SLX4IP: variants seen among roughly 807,000 people sequenced by gnomAD.
SLX4IP encodes the protein protein SLX4IP.
In SLX4IP, 34 loss-of-function variants were observed where a neutral mutation model predicts 32.9. That is an observed-to-expected ratio of 1.03 (90% confidence interval 0.79 to 1.38). The LOEUF (loss-of-function observed/expected upper bound fraction) is 1.38. Among genes scored for constraint, SLX4IP ranks in the 40% most tolerant of loss-of-function variants. SLX4IP has a pLI of 0.00. For synonymous variants in SLX4IP, 172 were observed against 171.7 expected (o/e 1.00, Z -0.01); for missense variants, 444 against 479.0 (o/e 0.93, Z 0.68).
intron 2 of SLX4IP, among the ~76,000 whole-genome samples, chr20:10,539,034 C>T (rs1158144416): frequency 6.6e-6 from 1 of 152,126 alleles, no homozygotes; most frequent in East Asian, 1.9e-4. Flanking sequence ...TTTTATCTCA[C>T]CAAATAAAAA....
At chr20:10,485,598 G>A (rs1466554200) in intron 2 of SLX4IP, among the ~76,000 whole-genome samples, 1 of 149,260 alleles carries the variant, frequency 6.7e-6, no homozygotes, top group African/African-American at 2.5e-5. Context: ...ATTCAGCCTG[G>A]GTGACAAAGG....
chr20:10,474,030 C>G (rs148525981), intron 2 of SLX4IP, among the ~76,000 whole-genome samples: 1 of 152,070 alleles, frequency 6.6e-6, no homozygotes, highest in Non-Finnish European at 1.5e-5. Context: ...ACCATGTTGG[C>G]CAGACTGGTC....
intron 2 of SLX4IP, among the ~76,000 whole-genome samples, chr20:10,504,127 G>A (rs377688762): frequency 2.0e-5 from 3 of 152,134 alleles, no homozygotes; most frequent in South Asian, 2.1e-4. Context: ...GGTGGAGAGC[G>A]CTCTTGACCT....
chr20:10,469,603 G>A (rs1209114749), intron 2 of SLX4IP, among the ~76,000 whole-genome samples: 1 of 152,108 alleles, frequency 6.6e-6, no homozygotes, highest in Non-Finnish European at 1.5e-5. Flanking sequence ...TTATTCTAGT[G>A]TAAAAATTAA....
intron 4 of SLX4IP, among the ~76,000 whole-genome samples, chr20:10,596,390 TG>T (rs2066771497): frequency 6.6e-6 from 1 of 152,018 alleles, no homozygotes; most frequent in Non-Finnish European, 1.5e-5. Context: ...GCCCAGCTAA[TG>T]TTTTTTTGTA....
chr20:10,512,782 A>C (rs553668484), intron 2 of SLX4IP, among the ~76,000 whole-genome samples: 647 of 10,582 alleles, frequency 0.061, 2 homozygotes, highest in Non-Finnish European at 0.092. Flanking sequence ...CACACTCTAT[A>C]TATATATATA....
chr20:10,609,817 A>T (rs1382957370), intron 6 of SLX4IP, among the ~76,000 whole-genome samples: 1 of 152,100 alleles, frequency 6.6e-6, no homozygotes, highest in East Asian at 1.9e-4. Flanking sequence ...GACCTCCTAA[A>T]GTGGCCCAAC....
intron 2 of SLX4IP, among the ~76,000 whole-genome samples, chr20:10,485,089 T>A (rs1463588598): frequency 2.0e-5 from 3 of 151,954 alleles, no homozygotes; most frequent in African/African-American, 7.3e-5. Context: ...AAGCCCAACA[T>A]ACGAGATTAG....
chr20:10,565,456 C>T (rs1852296907), intron 4 of SLX4IP, among the ~76,000 whole-genome samples: 1 of 152,180 alleles, frequency 6.6e-6, no homozygotes, highest in Non-Finnish European at 1.5e-5. Context: ...TGCCGAGCCT[C>T]ATCCTCTGCC....
At chr20:10,585,159 G>C (rs1028771211) in intron 4 of SLX4IP, among the ~76,000 whole-genome samples, 1 of 152,076 alleles carries the variant, frequency 6.6e-6, no homozygotes, top group African/African-American at 2.4e-5. Flanking sequence ...CAGAACAGAT[G>C]TTTGTGTTTT....
At chr20:10,516,595 C>G (rs1239083142) in intron 2 of SLX4IP, among the ~76,000 whole-genome samples, 1 of 152,190 alleles carries the variant, frequency 6.6e-6, no homozygotes, top group African/African-American at 2.4e-5. Context: ...AAATCAGATT[C>G]ATTGCTTTAT....
At chr20:10,505,451 G>C (rs1016161601) in intron 2 of SLX4IP, among the ~76,000 whole-genome samples, 20 of 152,200 alleles carry the variant, frequency 1.3e-4, no homozygotes, top group Non-Finnish European at 2.1e-4. Flanking sequence ...ATAGGAGACA[G>C]GGCATGTCTT....
chr20:10,530,898 A>T (rs2065983171), intron 2 of SLX4IP, among the ~76,000 whole-genome samples: 1 of 152,364 alleles, frequency 6.6e-6, no homozygotes, highest in East Asian at 1.9e-4. Flanking sequence ...AACACACTTT[A>T]TCATATTATA....
At chr20:10,452,532 G>A (rs1324985301) in intron 1 of SLX4IP, among the ~76,000 whole-genome samples, 1 of 151,916 alleles carries the variant, frequency 6.6e-6, no homozygotes, top group Admixed American at 6.6e-5. Context: ...TGGGCGTGGT[G>A]GCATGCACCT....
chr20:10,477,729 G>A (rs1169619945), intron 2 of SLX4IP, among the ~76,000 whole-genome samples: 2 of 152,146 alleles, frequency 1.3e-5, no homozygotes, highest in Non-Finnish European at 2.9e-5. Context: ...CAACTGGTAA[G>A]CATTTACCAA....
chr20:10,558,891 G>C (rs676277), intron 3 of SLX4IP, among the ~76,000 whole-genome samples: 30,132 of 152,132 alleles, frequency 0.2, 3,663 homozygotes, highest in Admixed American at 0.27. Context: ...CACTGCACTT[G>C]GTCTACCTTG....
At chr20:10,525,956 A>G (rs1479065302) in intron 2 of SLX4IP, among the ~76,000 whole-genome samples, 1 of 152,090 alleles carries the variant, frequency 6.6e-6, no homozygotes, top group Non-Finnish European at 1.5e-5. Context: ...CTCCTGATAA[A>G]TGCCTTGCTG....
chr20:10,461,196 T>C, intron 2 of SLX4IP, among the ~76,000 whole-genome samples: 1 of 152,252 alleles, frequency 6.6e-6, no homozygotes, highest in Non-Finnish European at 1.5e-5. Flanking sequence ...CAAAACTCTG[T>C]TGAAACTGGC....
chr20:10,511,845 T>C (rs1291959843), intron 2 of SLX4IP, among the ~76,000 whole-genome samples: 1 of 152,210 alleles, frequency 6.6e-6, no homozygotes, highest in African/African-American at 2.4e-5. Context: ...CTTTGACCAT[T>C]CCATGTGTAA....
Sources: allele counts gnomAD v4.1 joint callset (sites outside exome capture counted in the v4.1 genomes callset), GRCh38; gene constraint gnomAD v4.1.1; transcripts MANE v1.5; gene names NCBI Gene and HGNC (gene_info 2026-07-23, HGNC 2026-07-21).